SEMA4B: variants seen among roughly 807,000 people sequenced by gnomAD.
The protein encoded by SEMA4B is semaphorin 4B.
Under a neutral mutation model 88.1 loss-of-function variants are expected in SEMA4B, and 55 were observed. That is an observed-to-expected ratio of 0.62 (90% confidence interval 0.50 to 0.78). SEMA4B has a LOEUF of 0.78. Among genes scored for constraint, SEMA4B ranks in the 30% least tolerant of loss-of-function variants. The pLI, the probability that SEMA4B is intolerant of heterozygous loss-of-function variation, is 0.00. For missense variants in SEMA4B, 1,062 were observed against 1,111.9 expected, an observed-to-expected ratio of 0.96 and a Z score of 0.64; for synonymous variants, 525 against 473.6, an observed-to-expected ratio of 1.11 and a Z score of -1.41.
chr15:90,209,139 C>T (rs537872049), intron 1 of SEMA4B, among the ~76,000 whole-genome samples: 2 of 152,264 alleles, frequency 1.3e-5, no homozygotes, highest in South Asian at 4.1e-4. Flanking sequence ...CTGTGTCATT[C>T]ATTTGTTTAG....
At chr15:90,217,964 C>T (rs1961618606) in intron 3 of SEMA4B, 135 bp downstream of exon 3, 8 of 711,024 alleles carry the variant, frequency 1.1e-5, no homozygotes, top group South Asian at 7.0e-5. Context: ...TGAGATTACC[C>T]GGCCTGGGTT....
Position 90,229,384 on chromosome 15 carries a change from CTG to C in SEMA4B, c.*743_*744del, listed in dbSNP as rs1962387829. 1 of 456,622 alleles carries C rather than the reference CTG, an allele frequency of 2.2e-6. No homozygotes were observed. The highest frequency in any genetic ancestry group is 4.4e-6 in the Non-Finnish European group (1 of 227,002). 28.3% of individuals were successfully genotyped at this position (456,622 alleles called of 1,614,324 possible). On this transcript the variant is annotated 3_prime_UTR_variant, in exon 14 of 14. Transcript: ENST00000411539. ...TTTCCCTCAGAATTCAGGGAAGAGA[CTG>C]TCGCCTGCCTTCCTCCGTTGTTGCG...
intron 9 of SEMA4B, 96 bp from the exon 10 acceptor site, chr15:90,224,872 G>A: frequency 9.7e-7 from 1 of 1,028,542 alleles, no homozygotes; most frequent in South Asian, 1.4e-5. Context: ...CGGGCGGGGG[G>A]ACAGACACCG....
intron 1 of SEMA4B, among the ~76,000 whole-genome samples, chr15:90,216,468 T>C (rs886308494): frequency 3.3e-5 from 5 of 151,938 alleles, no homozygotes; most frequent in African/African-American, 1.2e-4. Flanking sequence ...CCATTAGCCA[T>C]TGGCAGCAGC....
intron 1 of SEMA4B, among the ~76,000 whole-genome samples, chr15:90,189,771 TA>T (rs1960290632): frequency 6.6e-6 from 1 of 152,204 alleles, no homozygotes; most frequent in African/African-American, 2.4e-5. Flanking sequence ...CTTTTGAAAT[TA>T]AATGAAAGCT....
upstream of SEMA4B, among the ~76,000 whole-genome samples, chr15:90,200,339 C>T (rs1960659999): frequency 6.6e-6 from 1 of 152,200 alleles, no homozygotes; most frequent in Non-Finnish European, 1.5e-5. Flanking sequence ...GGCTTTCACT[C>T]TTTTGGACTC....
chr15:90,214,837 G>C, intron 1 of SEMA4B: 1 of 368,386 alleles, frequency 2.7e-6, no homozygotes, highest in South Asian at 2.3e-5. Flanking sequence ...TGCTGATGGA[G>C]ATGTTTTTCT....
chr15:90,209,588 C>T (rs912148140), intron 1 of SEMA4B, among the ~76,000 whole-genome samples: 4 of 151,868 alleles, frequency 2.6e-5, no homozygotes, highest in Admixed American at 6.6e-5. Context: ...GAGAGAAGAG[C>T]GCAGAAAGAC....
intron 12 of SEMA4B, among the ~76,000 whole-genome samples, chr15:90,226,928 T>TA (rs146546001): frequency 0.19 from 28,965 of 150,690 alleles, 2,958 homozygotes; most frequent in Middle Eastern, 0.26. Context: ...GTGCACTGTT[T>TA]AAAAAAAAAG....
At position 90,201,338 on chromosome 15, in the gene SEMA4B, G is replaced by T; in HGVS notation, c.-241G>T. The T allele has an allele frequency of 8.3e-7, 1 of 1,209,936 alleles. No individual in the cohort carries two copies. The allele number at this position is 1,209,936 out of a possible 1,614,324, so 75.0% of individuals were successfully genotyped here. A position where few individuals can be genotyped will look rare whatever the true frequency, so the allele number is the denominator to read the frequency against. On this transcript the variant is annotated 5_prime_UTR_variant, in exon 1 of 14. Coordinates refer to ENST00000411539, the MANE Select transcript of SEMA4B (RefSeq NM_198925.4). ...CAGCCCCGCCCTCCGCCGCTTGCGGGTGAGCTCTGCCCAAGCCGAGGCTGC... is the reference window on the plus strand; with the variant it reads ...CAGCCCCGCCCTCCGCCGCTTGCGGTTGAGCTCTGCCCAAGCCGAGGCTGC...
rs760649121 is a variant in SEMA4B, at chr15:90,227,562, G to A, written c.1694G>A (p.Trp565Ter). Reference protein sequence around the residue: ...LYQPQLATRPWIQDIEGASAK... With the variant: ...LYQPQLATRP ...GAATTCTCTCTGGCCCTCAGGCCGT[G>A]GATCCAGGACATCGAGGGAGCCAGC... The change falls in exon 13 of 14, where the codon TGG becomes TAG. Residue 565 changes from tryptophan (W) to a stop codon, truncating the protein, a stop_gained. Transcript: ENST00000411539. LOFTEE classifies it high-confidence loss of function. The A allele has an allele frequency of 6.2e-7, 1 of 1,613,954 alleles. No individual in the cohort carries two copies.
upstream of SEMA4B, among the ~76,000 whole-genome samples, chr15:90,197,732 C>T (rs188009462): frequency 8.0e-5 from 12 of 149,904 alleles, no homozygotes; most frequent in East Asian, 1.6e-3. Flanking sequence ...CCACCATGCC[C>T]GGCCCTGCTC....
exon 1 of SEMA4B, chr15:90,184,974 C>CA: frequency 1.0e-6 from 1 of 985,968 alleles, no homozygotes; most frequent in South Asian, 4.7e-5. Flanking sequence ...TCCGGGTCCC[C>CA]AGGGGCTGCG....
chr15:90,198,159 C>T (rs570593852), upstream of SEMA4B, among the ~76,000 whole-genome samples: 6 of 151,980 alleles, frequency 3.9e-5, no homozygotes, highest in South Asian at 2.1e-4. Flanking sequence ...CCTCGTGATC[C>T]GCCTGCCTCG....
At chr15:90,208,737 T>C (rs1429106963) in intron 1 of SEMA4B, among the ~76,000 whole-genome samples, 1 of 142,712 alleles carries the variant, frequency 7.0e-6, no homozygotes, top group Admixed American at 7.4e-5. Flanking sequence ...CATACTTAAT[T>C]CTTTTTTTCT....
upstream of SEMA4B, among the ~76,000 whole-genome samples, chr15:90,199,450 C>T (rs1351929869): frequency 6.6e-6 from 1 of 151,952 alleles, no homozygotes; most frequent in Non-Finnish European, 1.5e-5. Flanking sequence ...GTAGGTGGAG[C>T]ACATTTTTGA....
At chr15:90,206,666 C>T in intron 1 of SEMA4B, 1 of 684,376 alleles carries the variant, frequency 1.5e-6, no homozygotes, top group Non-Finnish European at 2.6e-6. Flanking sequence ...TGGCCTAGCA[C>T]ATGGAATTCG....
At chr15:90,219,542 A>C in intron 3 of SEMA4B, 1 of 488,344 alleles carries the variant, frequency 2.0e-6, no homozygotes, top group African/African-American at 2.0e-5. Flanking sequence ...CTGTGCCCTC[A>C]CCCCTAGGCC....
rs1406437034 is a variant in SEMA4B at position 90,223,547 on chromosome 15, C to T, written c.862-12C>T. 6 of 1,564,562 alleles carry T rather than the reference C, an allele frequency of 3.8e-6. No individual in the cohort carries two copies. The highest frequency in any genetic ancestry group is 3.7e-5 in the Admixed American group (2 of 54,668). The stretch of plus-strand genomic sequence containing the variant: ...ATGTGCCTAAGCCCAGCCCATCCGA[C>T]TCTCCCTCCAGGGCGATGAGGGTGG... On this transcript the variant is annotated splice_polypyrimidine_tract_variant and intron_variant, in intron 7 of 13. Coordinates refer to ENST00000411539, the MANE Select transcript of SEMA4B (RefSeq NM_198925.4).
Sources: allele counts gnomAD v4.1 joint callset (sites outside exome capture counted in the v4.1 genomes callset), GRCh38; gene constraint gnomAD v4.1.1; transcripts MANE v1.5; gene names NCBI Gene and HGNC (gene_info 2026-07-23, HGNC 2026-07-21).